Variants in CAMTA1 observed in about 807,000 individuals in gnomAD.
The protein encoded by CAMTA1 is calmodulin-binding transcription activator 1.
In CAMTA1, 27 loss-of-function variants were observed where a neutral mutation model predicts 170.9. That is an observed-to-expected ratio of 0.16 (90% confidence interval 0.12 to 0.22). The LOEUF (loss-of-function observed/expected upper bound fraction) is 0.22. Ranked by LOEUF, CAMTA1 falls within the 10% of genes least tolerant of loss-of-function variation. The probability of loss-of-function intolerance (pLI) is 1.00; values close to 1 mark genes in which losing one functional copy is unlikely to be tolerated. For synonymous variants in CAMTA1, 833 were observed against 891.5 expected, an observed-to-expected ratio of 0.93 and a Z score of 1.17; for missense variants, 1,619 against 2,217.2, an observed-to-expected ratio of 0.73 and a Z score of 5.42.
chr1:7,662,321 G>A (rs747817675), intron 8 of CAMTA1, among the ~76,000 whole-genome samples: 3 of 152,212 alleles, frequency 2.0e-5, no homozygotes, highest in African/African-American at 4.8e-5. Flanking sequence ...AGCGTCCCGC[G>A]CTCTCCTTCC....
intron 3 of CAMTA1, among the ~76,000 whole-genome samples, chr1:6,929,793 G>A (rs546451653): frequency 2.6e-5 from 4 of 152,290 alleles, no homozygotes; most frequent in African/African-American, 9.6e-5. Context: ...CACTGTGCCC[G>A]GCCCTTAAAG....
chr1:7,654,772 A>C (rs1297861663), intron 7 of CAMTA1, among the ~76,000 whole-genome samples: 3 of 108,568 alleles, frequency 2.8e-5, no homozygotes, highest in African/African-American at 7.3e-5. Context: ...CACCCACCTA[A>C]ACACACACCT....
At chr1:7,163,490 G>C (rs1173301127) in intron 4 of CAMTA1, among the ~76,000 whole-genome samples, 1 of 152,184 alleles carries the variant, frequency 6.6e-6, no homozygotes, top group African/African-American at 2.4e-5. Flanking sequence ...TGGGAAGCGA[G>C]GGACGGCAGT....
intron 5 of CAMTA1, among the ~76,000 whole-genome samples, chr1:7,357,208 C>A (rs764527621): frequency 6.6e-6 from 1 of 152,228 alleles, no homozygotes; most frequent in Non-Finnish European, 1.5e-5. Flanking sequence ...AAGAAGGCAT[C>A]GAGGGATGCC....
At chr1:7,499,435 T>TGTGC (rs1304459231) in intron 6 of CAMTA1, among the ~76,000 whole-genome samples, 1 of 64,262 alleles carries the variant, frequency 1.6e-5, no homozygotes, top group Non-Finnish European at 2.6e-5. Flanking sequence ...GTGAGCCTGG[T>TGTGC]GTGCATATGT....
At chr1:6,951,895 G>A (rs1471497206) in intron 3 of CAMTA1, among the ~76,000 whole-genome samples, 1 of 152,172 alleles carries the variant, frequency 6.6e-6, no homozygotes, top group Non-Finnish European at 1.5e-5. Flanking sequence ...GAGACATGCC[G>A]TGCGAACTGT....
intron 5 of CAMTA1, among the ~76,000 whole-genome samples, chr1:7,367,786 G>A (rs2086091858): frequency 6.6e-6 from 1 of 152,228 alleles, no homozygotes; most frequent in Non-Finnish European, 1.5e-5. Flanking sequence ...ACAGGCCCTG[G>A]GCACTCATGG....
At chr1:6,889,245 G>A (rs1018838105) in intron 3 of CAMTA1, among the ~76,000 whole-genome samples, 1 of 152,148 alleles carries the variant, frequency 6.6e-6, no homozygotes, top group Non-Finnish European at 1.5e-5. Flanking sequence ...GAATTATTTT[G>A]ATTATATAAT....
In CAMTA1 at chr1:7,439,431, C is replaced by T. The variant is rs545750865; in HGVS notation, c.439-28399C>T. On this transcript the variant is annotated intron_variant, in intron 5 of 22. Coordinates refer to ENST00000303635, the MANE Select transcript of CAMTA1 (RefSeq NM_015215.4). ...GCCGAGTGGACACTACCCTGAAGCACGTCTCCCGGTCCAGCCCCCACTCCT... is the reference window on the plus strand; with the variant it reads ...GCCGAGTGGACACTACCCTGAAGCATGTCTCCCGGTCCAGCCCCCACTCCT... Among the ~76,000 whole-genome samples the T allele has an allele frequency of 1.4e-4, 22 of 152,282 alleles. No homozygotes were observed. The South Asian group carries it at 3.7e-3, about 26-fold the overall frequency.
chr1:7,712,042 A>G (rs1210742764), intron 11 of CAMTA1, among the ~76,000 whole-genome samples: 1 of 152,252 alleles, frequency 6.6e-6, no homozygotes, highest in Non-Finnish European at 1.5e-5. Flanking sequence ...TACATAATCT[A>G]TAAAATCTAT....
chr1:6,902,773 A>T (rs1435769321), intron 3 of CAMTA1, among the ~76,000 whole-genome samples: 1 of 152,240 alleles, frequency 6.6e-6, no homozygotes, highest in African/African-American at 2.4e-5. Context: ...GATGCCATCT[A>T]TTATTAGAGT....
chr1:7,591,984 C>T (rs1356186921), intron 6 of CAMTA1, among the ~76,000 whole-genome samples: 2 of 152,140 alleles, frequency 1.3e-5, no homozygotes, highest in African/African-American at 2.4e-5. Flanking sequence ...CTGCAACCTC[C>T]GCCTTGTGGG....
intron 3 of CAMTA1, among the ~76,000 whole-genome samples, chr1:6,897,117 C>T (rs1185815976): frequency 1.3e-5 from 2 of 152,122 alleles, no homozygotes; most frequent in East Asian, 1.9e-4. Flanking sequence ...GAAGATGCCT[C>T]GACTCTGCCT....
intron 6 of CAMTA1, among the ~76,000 whole-genome samples, chr1:7,491,431 T>C (rs1382296764): frequency 1.3e-5 from 2 of 152,312 alleles, no homozygotes; most frequent in East Asian, 1.9e-4. Flanking sequence ...CCCCCGCCCA[T>C]GTTTAGAGTA....
At chr1:7,721,063 C>T (rs1199850035) in intron 11 of CAMTA1, among the ~76,000 whole-genome samples, 1 of 152,198 alleles carries the variant, frequency 6.6e-6, no homozygotes, top group East Asian at 1.9e-4. Flanking sequence ...GAAAATAATC[C>T]TTTCCACATG....
intron 4 of CAMTA1, among the ~76,000 whole-genome samples, chr1:7,155,851 C>T (rs571235607): frequency 6.6e-6 from 1 of 152,286 alleles, no homozygotes; most frequent in South Asian, 2.1e-4. Context: ...TTGCTGTGCA[C>T]GTGCCTGGGT....
chr1:7,025,542 G>T (rs1460096236), intron 3 of CAMTA1, among the ~76,000 whole-genome samples: 4 of 152,214 alleles, frequency 2.6e-5, no homozygotes, highest in Non-Finnish European at 5.9e-5. Flanking sequence ...ATTCAACAGG[G>T]ATTTGAGTGC....
intron 1 of CAMTA1, among the ~76,000 whole-genome samples, chr1:6,816,127 G>T (rs1645779424): frequency 1.3e-5 from 2 of 152,170 alleles, no homozygotes; most frequent in Admixed American, 6.5e-5. Context: ...GGCTAAGGCT[G>T]AGAACCATTG....
chr1:7,151,705 C>A (rs953149496), intron 4 of CAMTA1, among the ~76,000 whole-genome samples: 1 of 152,184 alleles, frequency 6.6e-6, no homozygotes, highest in East Asian at 1.9e-4. Context: ...GTCTCCCAGT[C>A]GAGGACGGAG....
Sources: gnomAD v4.1 joint callset for allele counts (sites outside exome capture counted in the v4.1 genomes callset) on GRCh38, gnomAD v4.1.1 for gene constraint, MANE v1.5 for transcripts, NCBI Gene and HGNC (gene_info 2026-07-23, HGNC 2026-07-21) for gene names.